The following PCDHA5 variants were observed in gnomAD, a reference collection of about 807,000 sequenced individuals.
The protein encoded by PCDHA5 is protocadherin alpha 5.
Under a neutral mutation model 61.6 loss-of-function variants are expected in PCDHA5, and 43 were observed. The observed-to-expected ratio is 0.70, with a 90% confidence interval of 0.55 to 0.90. PCDHA5 has a LOEUF of 0.90. PCDHA5 is among the 40% of genes least tolerant of loss of function. The pLI, the probability that PCDHA5 is intolerant of heterozygous loss-of-function variation, is 0.00. For missense variants in PCDHA5, 1,298 were observed against 1,222.7 expected (o/e 1.06, Z -0.92); for synonymous variants, 627 against 543.9 (o/e 1.15, Z -2.13).
intron 1 of PCDHA5, chr5:140,884,065 C>G (rs377441374): frequency 1.1e-5 from 17 of 1,613,346 alleles, no homozygotes; most frequent in Admixed American, 6.7e-5. Flanking sequence ...CGGTGGACGC[C>G]GATTCGGGCT....
rs949986485 is a variant in PCDHA5 at position 140,855,050 on chromosome 5, T to C, written c.2352+30923T>C. Among the ~76,000 whole-genome samples the C allele has an allele frequency of 5.5e-4, 83 of 150,048 alleles. 4 individuals are homozygous for C. The highest frequency in any genetic ancestry group is 1.9e-3 in the African/African-American group (78 of 41,034). On this transcript the variant is annotated intron_variant, in intron 1 of 3. Transcript: ENST00000529859. ...ATAAAGGATTTTTCTGTAATAGTAC[T>C]TTTCTGTTTTCTTAAATACAGAAAC... is the stretch of plus-strand genomic sequence containing the variant.
At chr5:140,926,783 C>T (rs1230665699) in intron 1 of PCDHA5, 2 of 1,410,186 alleles carry the variant, frequency 1.4e-6, no homozygotes, top group Non-Finnish European at 1.8e-6. Flanking sequence ...CAGTGACGGC[C>T]GGCAGGAGCG....
At chr5:140,929,424 A>G in intron 1 of PCDHA5, 1 of 1,496,380 alleles carries the variant, frequency 6.7e-7, no homozygotes, top group East Asian at 2.3e-5. Flanking sequence ...ACATTTCATC[A>G]ATTGAACTAA....
chr5:140,858,664 A>G (rs972477672), intron 1 of PCDHA5: 1 of 728,612 alleles, frequency 1.4e-6, no homozygotes, highest in African/African-American at 1.8e-5. Flanking sequence ...TTTAAATAAC[A>G]ATTTATTCTG....
chr5:140,824,182 T>A, intron 1 of PCDHA5, 55 bp downstream of exon 1: 1 of 1,608,398 alleles, frequency 6.2e-7, no homozygotes, highest in South Asian at 1.1e-5. Context: ...AAATATTAAA[T>A]GTCACATTCA....
In PCDHA5 at chr5:140,842,523, T is replaced by A. The variant is rs201459051; in HGVS notation, c.2352+18396T>A. The A allele has an allele frequency of 5.0e-5, 81 of 1,613,306 alleles. 4 individuals are homozygous for A. Among genetic ancestry groups the A allele is most frequent in the Non-Finnish European group, 3.3e-5 (39 of 1,179,452 alleles). ...GTCCCCTTCAAGCTGGTGTCCACCT[T>A]CAAGAATTACTACTCGTTGGTGCTG... On this transcript the variant is annotated intron_variant, in intron 1 of 3. Coordinates refer to ENST00000529859, the MANE Select transcript of PCDHA5 (RefSeq NM_018908.3).
At chr5:140,843,948 A>G (rs1465306903) in intron 1 of PCDHA5, 4 of 562,382 alleles carry the variant, frequency 7.1e-6, no homozygotes, top group Non-Finnish European at 9.4e-6. Flanking sequence ...GATGATATCC[A>G]TTTTTTACTG....
chr5:140,855,992 T>C (rs2043714140), intron 1 of PCDHA5: 2 of 1,492,956 alleles, frequency 1.3e-6, no homozygotes, highest in Admixed American at 4.4e-5. Context: ...AAATGTCAGA[T>C]CGTATGTGCG....
intron 3 of PCDHA5, among the ~76,000 whole-genome samples, chr5:140,985,739 CT>C (rs11372071): frequency 0.013 from 1,497 of 117,900 alleles, 11 homozygotes; most frequent in African/African-American, 0.038. Flanking sequence ...TGATGAATTC[CT>C]TTTTTTTTTT....
At chr5:140,889,503 C>G (rs2062252341) in intron 1 of PCDHA5, among the ~76,000 whole-genome samples, 2 of 151,950 alleles carry the variant, frequency 1.3e-5, no homozygotes, top group Admixed American at 1.3e-4. Context: ...AGTGATATTT[C>G]CCTTTCCATT....
chr5:140,911,729 C>G (rs571299791), intron 1 of PCDHA5, among the ~76,000 whole-genome samples: 1 of 152,134 alleles, frequency 6.6e-6, no homozygotes, highest in Non-Finnish European at 1.5e-5. Flanking sequence ...GTAAACAGTT[C>G]GTGCCAAGGA....
At chr5:140,984,013 A>G (rs1258063909) in intron 3 of PCDHA5, among the ~76,000 whole-genome samples, 1 of 152,234 alleles carries the variant, frequency 6.6e-6, no homozygotes, top group Non-Finnish European at 1.5e-5. Context: ...TAATATTGCC[A>G]GATTGCAAGG....
intron 1 of PCDHA5, among the ~76,000 whole-genome samples, chr5:140,972,775 T>C (rs1277210789): frequency 6.6e-6 from 1 of 151,656 alleles, no homozygotes; most frequent in Non-Finnish European, 1.5e-5. Context: ...GTGATTCTTC[T>C]GCCTCAGCCT....
chr5:140,840,795 A>T (rs1395855837), intron 1 of PCDHA5, among the ~76,000 whole-genome samples: 1 of 152,122 alleles, frequency 6.6e-6, no homozygotes, highest in African/African-American at 2.4e-5. Flanking sequence ...TGCTCACCTC[A>T]GAGTAATATA....
chr5:140,848,724 G>T, intron 1 of PCDHA5: 5 of 1,592,662 alleles, frequency 3.1e-6, no homozygotes, highest in Non-Finnish European at 4.3e-6. Context: ...CCTTCTGGAG[G>T]TAAATCTGCA....
chr5:140,959,696 G>A (rs1344206142), intron 1 of PCDHA5, among the ~76,000 whole-genome samples: 1 of 152,098 alleles, frequency 6.6e-6, no homozygotes, highest in Non-Finnish European at 1.5e-5. Flanking sequence ...AATAAAATGA[G>A]CTTTGAAAGG....
chr5:140,957,138 C>G (rs1554222835), intron 1 of PCDHA5, among the ~76,000 whole-genome samples: 1 of 151,982 alleles, frequency 6.6e-6, no homozygotes, highest in African/African-American at 2.4e-5. Flanking sequence ...ACACTATGAA[C>G]TAAAAATTTT....
At chr5:141,008,684 G>C (rs1426948038) in intron 3 of PCDHA5, among the ~76,000 whole-genome samples, 1 of 152,118 alleles carries the variant, frequency 6.6e-6, no homozygotes, top group Admixed American at 6.5e-5. Context: ...TTTAGTTATT[G>C]CATGTATTAA....
chr5:140,890,726 T>C (rs2062772984), intron 1 of PCDHA5, among the ~76,000 whole-genome samples: 1 of 152,214 alleles, frequency 6.6e-6, no homozygotes. Context: ...TTTAATCCCT[T>C]TTGACTTATA....
Sources: gnomAD v4.1 joint callset for allele counts (sites outside exome capture counted in the v4.1 genomes callset) on GRCh38, gnomAD v4.1.1 for gene constraint, MANE v1.5 for transcripts, NCBI Gene and HGNC (gene_info 2026-07-23, HGNC 2026-07-21) for gene names.